Variants in ST3GAL4 observed in about 807,000 individuals in gnomAD.
ST3GAL4 encodes ST3 beta-galactoside alpha-2,3-sialyltransferase 4, also known as CMP-N-acetylneuraminate-beta-galactosamide-alpha-2,3-sialyltransferase 4.
ST3GAL4 carries 24 observed loss-of-function variants against 42.6 expected under a neutral mutation model. That is an observed-to-expected ratio of 0.56 (90% CI 0.41 to 0.79). ST3GAL4 has a LOEUF of 0.79. Ranked by LOEUF, ST3GAL4 falls within the 30% of genes least tolerant of loss-of-function variation. The pLI is 0.00. For missense variants in ST3GAL4, 311 were observed against 430.8 expected, an observed-to-expected ratio of 0.72 and a Z score of 2.46; for synonymous variants, 135 against 163.2, an observed-to-expected ratio of 0.83 and a Z score of 1.32.
At chr11:126,408,855 A>T (rs2135553011) in intron 8 of ST3GAL4, 1 of 409,132 alleles carries the variant, frequency 2.4e-6, no homozygotes, top group Non-Finnish European at 4.4e-6. Context: ...TAGAGCAATG[A>T]GGCCTGTGTC....
In ST3GAL4 at chr11:126,379,191, A is replaced by G. The variant is rs1394107401; in HGVS notation, c.-61+23349A>G. Among the ~76,000 whole-genome samples, 1 of 152,146 alleles carries G rather than the reference A, an allele frequency of 6.6e-6. No homozygotes were observed. Among genetic ancestry groups the G allele is most frequent in the African/African-American group, 2.4e-5 (1 of 41,436 alleles). On this transcript the variant is annotated intron_variant, in intron 1 of 10. Transcript: ENST00000444328. The surrounding 1 kb of genome is among the most constrained non-coding windows in gnomAD (Gnocchi z 4.2). ...TCTAATATTAGTTGTGATTCTTTCC[A>G]TTTATCTAGAGGATTACGTAGCCAC...
chr11:126,394,653 G>A (rs2135495560), intron 1 of ST3GAL4, among the ~76,000 whole-genome samples: 1 of 152,204 alleles, frequency 6.6e-6, no homozygotes, highest in Admixed American at 6.5e-5. Flanking sequence ...TTGAACTCCT[G>A]AGCTCAAGCA....
rs901361571 is a variant in ST3GAL4, at chr11:126,398,782, A to T, written c.-60-7314A>T. 9.2e-5 allele frequency among the ~76,000 whole-genome samples: 14 copies of T among 152,178 alleles called. No individual in the cohort carries two copies. The highest frequency in any genetic ancestry group is 3.1e-4 in the African/African-American group (13 of 41,434). On this transcript the variant is annotated intron_variant, in intron 1 of 10. Transcript: ENST00000444328. The surrounding 1 kb of genome is among the most constrained non-coding windows in gnomAD (Gnocchi z 4.7). ...TCTGGTGGCATTAGGACCATGTGGG[A>T]TGCCACCAAGACTCACCACTTGCAC...
rs1953248927 is a variant in ST3GAL4, at chr11:126,386,954, T to TA, written c.-60-19141dup. Among the ~76,000 whole-genome samples the TA allele has an allele frequency of 6.6e-6, 1 of 151,504 alleles. No individual in the cohort carries two copies. The highest frequency in any genetic ancestry group is 2.4e-5 in the African/African-American group (1 of 41,160). On this transcript the variant is annotated intron_variant, in intron 1 of 10. Coordinates refer to ENST00000444328, the MANE Select transcript of ST3GAL4 (RefSeq NM_001254757.2). The surrounding 1 kb of genome is among the most constrained non-coding windows in gnomAD (Gnocchi z 4.7). Reference sequence around the variant, plus strand: ...GCACCAGAGCATACAGTTTGGCAAGTAGGAGGAGGGCTGGAGCCCAGCCTC... The same window carrying TA: ...GCACCAGAGCATACAGTTTGGCAAGTAAGGAGGAGGGCTGGAGCCCAGCCTC...
chr11:126,394,664 A>G (rs1252326060), intron 1 of ST3GAL4, among the ~76,000 whole-genome samples: 1 of 152,032 alleles, frequency 6.6e-6, no homozygotes, highest in Non-Finnish European at 1.5e-5. Flanking sequence ...AGCTCAAGCA[A>G]TCTGCCCTCC....
rs186500859 is a variant in ST3GAL4 at position 126,375,315 on chromosome 11, G to A, written c.-61+19473G>A. Among the ~76,000 whole-genome samples, 367 of 147,992 alleles carry A rather than the reference G, an allele frequency of 2.5e-3. 2 individuals carry two copies. Among genetic ancestry groups the A allele is most frequent in the African/African-American group, 6.9e-3 (285 of 41,162 alleles). On this transcript the variant is annotated intron_variant, in intron 1 of 10. Transcript: ENST00000444328. ...TGTCTCGTGCGGAAGCGTGGCTGAG[G>A]AGGGGCTTGACAGGCTCTTCGTCAC...
rs1324713293 is a variant in ST3GAL4, at chr11:126,386,095, C to A, written c.-60-20001C>A. On this transcript the variant is annotated intron_variant, in intron 1 of 10. Coordinates refer to ENST00000444328, the MANE Select transcript of ST3GAL4 (RefSeq NM_001254757.2). This position sits in a 1 kb window ranked among gnomAD's most constrained non-coding sequence, Gnocchi z 4.7. ...TCAGTCTGGAACCTTCTCTTGCCTA[C>A]CCCATCTTCCCATGGCTGCCCTTCA... Among the ~76,000 whole-genome samples the A allele has an allele frequency of 6.6e-6, 1 of 152,210 alleles. No individual in the cohort carries two copies. Among genetic ancestry groups the A allele is most frequent in the Non-Finnish European group, 1.5e-5 (1 of 68,042 alleles).
Position 126,406,899 on chromosome 11 carries a change from G to A in ST3GAL4, c.102-44G>A. 6.4e-7 allele frequency: 1 copy of A among 1,562,952 alleles called. No individual in the cohort carries two copies. Among genetic ancestry groups the A allele is most frequent in the Non-Finnish European group, 8.8e-7 (1 of 1,134,854 alleles). The stretch of plus-strand genomic sequence containing the variant: ...TAGGCTGCCTGGAACATGGGTCCCT[G>A]GGTCTGACTGGGGCTTCTGCCTCCT... On this transcript the variant is annotated intron_variant, in intron 3 of 10. Transcript: ENST00000444328. The surrounding 1 kb of genome is among the most constrained non-coding windows in gnomAD (Gnocchi z 5.4).
rs1284207438 is a variant in ST3GAL4 at position 126,392,165 on chromosome 11, A to G, written c.-60-13931A>G. 5 of 241,470 alleles carry G rather than the reference A, an allele frequency of 2.1e-5. No homozygotes were observed. Among genetic ancestry groups the G allele is most frequent in the African/African-American group, 7.0e-5 (3 of 42,994 alleles). 15.0% of individuals were successfully genotyped at this position (241,470 alleles called of 1,614,324 possible). A position where few individuals can be genotyped will look rare whatever the true frequency, so the allele number is the denominator to read the frequency against. On this transcript the variant is annotated intron_variant, in intron 1 of 10. Coordinates refer to ENST00000444328, the MANE Select transcript of ST3GAL4 (RefSeq NM_001254757.2). The surrounding 1 kb of genome is among the most constrained non-coding windows in gnomAD (Gnocchi z 5.8). ...TTCACTGGCTCCTCCTGGAGGCCAC[A>G]TGTACCTTGCGCTTCCTGGGGCTTG...
At position 126,376,224 on chromosome 11, in the gene ST3GAL4, G is replaced by A. The variant is rs1351832049; in HGVS notation, c.-61+20382G>A. On this transcript the variant is annotated intron_variant, in intron 1 of 10. Transcript: ENST00000444328. The surrounding 1 kb of genome is among the most constrained non-coding windows in gnomAD (Gnocchi z 5.1). ...TCAGTTTCAGAGGTCCCAGGATAGT[G>A]GGCAATATTTGAAAGCCAGTAAATA... 1.3e-5 allele frequency among the ~76,000 whole-genome samples: 2 copies of A among 152,182 alleles called. No individual in the cohort carries two copies. Among genetic ancestry groups the A allele is most frequent in the South Asian group, 2.1e-4 (1 of 4,812 alleles).
At chr11:126,405,845 C>T (rs1042978362) in intron 1 of ST3GAL4, 8 of 526,134 alleles carry the variant, frequency 1.5e-5, no homozygotes, top group East Asian at 3.4e-5. Flanking sequence ...GGCTTGGGAC[C>T]GAGTCCCGAG....
At chr11:126,369,061 AC>A (rs1173165580) in intron 1 of ST3GAL4, among the ~76,000 whole-genome samples, 10 of 152,154 alleles carry the variant, frequency 6.6e-5, no homozygotes, top group African/African-American at 1.2e-4. Flanking sequence ...GTGCTCTGCC[AC>A]CTGCTGTTTC....
In ST3GAL4 at chr11:126,409,229, A is replaced by G. The variant is rs775422768; in HGVS notation, c.628-39A>G. 1.2e-6 allele frequency: 2 copies of G among 1,605,980 alleles called. No individual in the cohort carries two copies. Among genetic ancestry groups the G allele is most frequent in the African/African-American group, 2.7e-5 (2 of 74,832 alleles). ...GGTTGGATTTGAGAAACAGGGCTTCACCCGCTTCTGTCTCTCTCTTCTGAC... is the reference window on the plus strand; with the variant it reads ...GGTTGGATTTGAGAAACAGGGCTTCGCCCGCTTCTGTCTCTCTCTTCTGAC... On this transcript the variant is annotated intron_variant, in intron 8 of 10. Transcript: ENST00000444328. The surrounding 1 kb of genome is among the most constrained non-coding windows in gnomAD (Gnocchi z 4.9).
chr11:126,370,274 A>G (rs969400729), intron 1 of ST3GAL4, among the ~76,000 whole-genome samples: 10 of 152,122 alleles, frequency 6.6e-5, no homozygotes, highest in African/African-American at 2.4e-4. Flanking sequence ...CCTGCTTCCC[A>G]CACTCCCCCA....
At position 126,397,992 on chromosome 11, in the gene ST3GAL4, A is replaced by G. The variant is rs1196758748; in HGVS notation, c.-60-8104A>G. ...GAACTTTGAGGGACACATTCAAACC[A>G]TAGCATTCTGCCCCAGTCCCCAAAA... On this transcript the variant is annotated intron_variant, in intron 1 of 10. Transcript: ENST00000444328. The surrounding 1 kb of genome is among the most constrained non-coding windows in gnomAD (Gnocchi z 5.0). Among the ~76,000 whole-genome samples the G allele has an allele frequency of 6.6e-6, 1 of 152,232 alleles. No individual in the cohort carries two copies. The highest frequency in any genetic ancestry group is 2.4e-5 in the African/African-American group (1 of 41,462).
chr11:126,370,826 G>A (rs1437623926), intron 1 of ST3GAL4, among the ~76,000 whole-genome samples: 1 of 151,952 alleles, frequency 6.6e-6, no homozygotes, highest in Non-Finnish European at 1.5e-5. Context: ...ACAGACATGT[G>A]CCACCACGCT....
intron 4 of ST3GAL4, 53 bp from the exon 5 acceptor site, chr11:126,407,199 G>A (rs1442717266): frequency 1.3e-6 from 2 of 1,588,894 alleles, no homozygotes; most frequent in African/African-American, 2.7e-5. Flanking sequence ...CCCTACTTCT[G>A]GCATCAAGAT....
At chr11:126,360,071 A>T (rs1388458825) in intron 1 of ST3GAL4, among the ~76,000 whole-genome samples, 1 of 152,154 alleles carries the variant, frequency 6.6e-6, no homozygotes, top group Non-Finnish European at 1.5e-5. Context: ...GCTCCCAAAG[A>T]CCCAATTCTC....
chr11:126,368,499 G>A (rs7951028), intron 1 of ST3GAL4, among the ~76,000 whole-genome samples: 27,932 of 152,116 alleles, frequency 0.18, 2,837 homozygotes, highest in East Asian at 0.32. Context: ...GTATTATTCC[G>A]TCAGCCCTTC....
Sources: allele counts gnomAD v4.1 joint callset (sites outside exome capture counted in the v4.1 genomes callset), GRCh38; gene constraint gnomAD v4.1.1; non-coding constraint Gnocchi (gnomAD v3.1); transcripts MANE v1.5; gene names NCBI Gene and HGNC (gene_info 2026-07-23, HGNC 2026-07-21).